The following CSGALNACT1 variants were observed in gnomAD, a reference collection of about 807,000 sequenced individuals.
CSGALNACT1 encodes the protein chondroitin sulfate N-acetylgalactosaminyltransferase 1.
In CSGALNACT1, 52 loss-of-function variants were observed where a neutral mutation model predicts 51.0. The ratio of observed to expected loss-of-function variants is 1.02; its 90% CI spans 0.82 to 1.29. The LOEUF (loss-of-function observed/expected upper bound fraction) is 1.29. Among genes scored for constraint, CSGALNACT1 ranks in the 50% most tolerant of loss-of-function variants. The pLI is 0.00. For missense variants in CSGALNACT1, 935 were observed against 679.2 expected (o/e 1.38, Z -4.19); for synonymous variants, 341 against 254.4 (o/e 1.34, Z -3.24).
At chr8:19,466,972 C>T (rs943826283) in intron 4 of CSGALNACT1, among the ~76,000 whole-genome samples, 4 of 152,204 alleles carry the variant, frequency 2.6e-5, no homozygotes, top group African/African-American at 9.6e-5. Context: ...TCTTATTTCT[C>T]TACACTGCAT....
chr8:19,730,620 G>C (rs914160464), intron 1 of CSGALNACT1, among the ~76,000 whole-genome samples: 4 of 152,180 alleles, frequency 2.6e-5, no homozygotes, highest in Admixed American at 1.3e-4. Flanking sequence ...CTGTCGTTGT[G>C]TGCAGAGCTA....
chr8:19,482,045 C>G (rs527498783), intron 4 of CSGALNACT1, among the ~76,000 whole-genome samples: 21 of 152,206 alleles, frequency 1.4e-4, no homozygotes, highest in African/African-American at 5.1e-4. Flanking sequence ...TCCATCAAAT[C>G]GCTCATGACT....
intron 8 of CSGALNACT1, among the ~76,000 whole-genome samples, chr8:19,418,210 C>G (rs78411352): frequency 6.6e-6 from 1 of 152,154 alleles, no homozygotes; most frequent in African/African-American, 2.4e-5. Context: ...GTTTCCACTT[C>G]AAATTCACAA....
chr8:19,691,329 TCTCA>T (rs1554809313), intron 1 of CSGALNACT1, among the ~76,000 whole-genome samples: 2 of 152,094 alleles, frequency 1.3e-5, no homozygotes, highest in Non-Finnish European at 1.5e-5. Flanking sequence ...GGCTTCTAGA[TCTCA>T]CTGTTTTTGA....
At chr8:19,476,496 C>A (rs1327089436) in intron 4 of CSGALNACT1, among the ~76,000 whole-genome samples, 1 of 152,156 alleles carries the variant, frequency 6.6e-6, no homozygotes, top group Non-Finnish European at 1.5e-5. Context: ...CCCACCTCAC[C>A]CTCCCAAAGT....
At chr8:19,427,070 TATC>T (rs768831132) in intron 6 of CSGALNACT1, among the ~76,000 whole-genome samples, 28 of 152,348 alleles carry the variant, frequency 1.8e-4, no homozygotes, top group Non-Finnish European at 3.4e-4. Context: ...CTGAACATGT[TATC>T]ATCCAATTTT....
intron 3 of CSGALNACT1, among the ~76,000 whole-genome samples, chr8:19,508,051 T>C (rs753109484): frequency 6.6e-6 from 1 of 152,244 alleles, no homozygotes; most frequent in Admixed American, 6.5e-5. Flanking sequence ...TTATTCTTTA[T>C]ATAGTCTTCA....
intron 3 of CSGALNACT1, among the ~76,000 whole-genome samples, chr8:19,548,904 CG>C (rs2154079635): frequency 1.3e-5 from 2 of 152,248 alleles, no homozygotes; most frequent in Admixed American, 1.3e-4. Flanking sequence ...CTGCAGCTCC[CG>C]CCTCCCAGGC....
At chr8:19,692,153 T>G (rs1291776685) in intron 1 of CSGALNACT1, among the ~76,000 whole-genome samples, 5 of 152,056 alleles carry the variant, frequency 3.3e-5, no homozygotes, top group African/African-American at 1.2e-4. Flanking sequence ...GCCCCCATGA[T>G]CCAATCACCT....
At position 19,572,999 on chromosome 8, in the gene CSGALNACT1, C is replaced by G. The variant is rs553940359; in HGVS notation, c.-297+18161G>C. On this transcript the variant is annotated intron_variant, in intron 3 of 9. Transcript: ENST00000454498. ...AGAATCAAAATTATACTTGTTACAA[C>G]TGGTGGAAATGATACCAAATAACAA... 2.6e-5 allele frequency among the ~76,000 whole-genome samples: 4 copies of G among 152,254 alleles called. No individual in the cohort carries two copies. The South Asian group carries it at 8.3e-4, about 32-fold the overall frequency.
At chr8:19,408,497 T>G in intron 9 of CSGALNACT1, 116 bp downstream of exon 8, 1 of 268,108 alleles carries the variant, frequency 3.7e-6, no homozygotes, top group East Asian at 8.1e-5. Context: ...TTTTTTTTTT[T>G]GAAGGCAATG....
chr8:19,527,322 C>A (rs376932924), intron 3 of CSGALNACT1, among the ~76,000 whole-genome samples: 1 of 152,102 alleles, frequency 6.6e-6, no homozygotes, highest in African/African-American at 2.4e-5. Flanking sequence ...AAAAGAGGGC[C>A]AGGAACAGTG....
chr8:19,427,500 G>A (rs1490311449), intron 6 of CSGALNACT1, among the ~76,000 whole-genome samples: 1 of 152,096 alleles, frequency 6.6e-6, no homozygotes, highest in Non-Finnish European at 1.5e-5. Flanking sequence ...GAAAATTAGG[G>A]GGTGGCAGCC....
At chr8:19,533,779 C>G (rs1176425044) in intron 3 of CSGALNACT1, among the ~76,000 whole-genome samples, 1 of 152,034 alleles carries the variant, frequency 6.6e-6, no homozygotes, top group African/African-American at 2.4e-5. Flanking sequence ...TTGCTGTAGG[C>G]ATATAGAAGA....
intron 3 of CSGALNACT1, among the ~76,000 whole-genome samples, chr8:19,535,183 A>G (rs2083496639): frequency 6.6e-6 from 1 of 152,184 alleles, no homozygotes; most frequent in South Asian, 2.1e-4. Flanking sequence ...ACTGACATAT[A>G]AATGACAACA....
intron 4 of CSGALNACT1, among the ~76,000 whole-genome samples, chr8:19,485,508 G>A (rs1184016131): frequency 2.0e-5 from 3 of 152,072 alleles, no homozygotes; most frequent in Non-Finnish European, 4.4e-5. Context: ...GGACACCCCT[G>A]TTGATGTTAA....
At chr8:19,526,931 C>T (rs2081827428) in intron 3 of CSGALNACT1, among the ~76,000 whole-genome samples, 1 of 152,190 alleles carries the variant, frequency 6.6e-6, no homozygotes, top group South Asian at 2.1e-4. Flanking sequence ...CAAACATTTA[C>T]TCAGTACCTA....
intron 4 of CSGALNACT1, among the ~76,000 whole-genome samples, chr8:19,496,089 T>A (rs13280711): frequency 0.42 from 64,241 of 151,836 alleles, 15,224 homozygotes; most frequent in East Asian, 0.84. Flanking sequence ...TTTGGAGCAG[T>A]ATGCTTGTTA....
rs567184040 is a variant in CSGALNACT1, at chr8:19,406,368, G to C, written c.1310-299C>G. Among the ~76,000 whole-genome samples the C allele has an allele frequency of 2.2e-4, 34 of 151,738 alleles. 1 individual carries two copies. Among genetic ancestry groups the C allele is most frequent in the African/African-American group, 3.4e-4 (14 of 41,370 alleles). ...TGCTAATGAACAGCCCCAGCCTCGT[G>C]GTTAATGGGTACAAAAATAAGATCT... On this transcript the variant is annotated intron_variant, in intron 9 of 9. Coordinates refer to ENST00000454498, the Ensembl canonical transcript of CSGALNACT1.
Sources: gnomAD v4.1 joint callset for allele counts (sites outside exome capture counted in the v4.1 genomes callset) on GRCh38, gnomAD v4.1.1 for gene constraint, MANE v1.5 for transcripts, NCBI Gene and HGNC (gene_info 2026-07-23, HGNC 2026-07-21) for gene names.